The following LAMC1 variants were observed in gnomAD, a reference collection of about 807,000 sequenced individuals.
LAMC1 encodes laminin subunit gamma-1.
LAMC1 carries 38 observed loss-of-function variants against 173.6 expected under a neutral mutation model. That is an observed-to-expected ratio of 0.22 (90% CI 0.17 to 0.29). LAMC1 has a LOEUF of 0.29. Among genes scored for constraint, LAMC1 ranks in the 10% least tolerant of loss-of-function variants. The pLI is 1.00. For missense variants in LAMC1, 1,824 were observed against 2,051.8 expected, an observed-to-expected ratio of 0.89 and a Z score of 2.14; for synonymous variants, 746 against 749.1, an observed-to-expected ratio of 1.00 and a Z score of 0.07.
At position 183,140,230 on chromosome 1, in the gene LAMC1, AT is replaced by A. The variant is rs35690018; in HGVS notation, c.4474-173del. Reference sequence around the variant, plus strand: ...ATACCAACATCCTCAATATGAAGATATGCAGCAGCCCCACCAAAAAAAAAAA... The same window carrying A: ...ATACCAACATCCTCAATATGAAGATAGCAGCAGCCCCACCAAAAAAAAAAA... On this transcript the variant is annotated intron_variant, in intron 26 of 27. Coordinates refer to ENST00000258341, the MANE Select transcript of LAMC1 (RefSeq NM_002293.4). Among the ~76,000 whole-genome samples the A allele has an allele frequency of 0.49, 58,733 of 120,426 alleles. 15,036 individuals carry two copies. The highest frequency in any genetic ancestry group is 0.59 in the South Asian group (1,958 of 3,302). 79.0% of individuals were successfully genotyped at this position (120,426 alleles called of 152,430 possible). A position where few individuals can be genotyped will look rare whatever the true frequency, so the allele number is the denominator to read the frequency against.
At chr1:183,128,501 G>A in intron 17 of LAMC1, 93 bp from the exon 18 acceptor site, 8 of 940,688 alleles carry the variant, frequency 8.5e-6, no homozygotes, top group Non-Finnish European at 1.1e-5. Flanking sequence ...ACATATTCAT[G>A]GAGTGCCCAT....
rs190777942 is a variant in LAMC1, at chr1:183,126,973, C to G, written c.2945-253C>G. Among the ~76,000 whole-genome samples the G allele has an allele frequency of 3.0e-3, 457 of 152,308 alleles. 9 individuals carry two copies. Among genetic ancestry groups the G allele is most frequent in the Non-Finnish European group, 6.2e-4 (42 of 68,030 alleles). On this transcript the variant is annotated intron_variant, in intron 16 of 27. Transcript: ENST00000258341. ...GAGCACTGATAGTTTCATAACTTCT[C>G]TAATTGCTAAGTAACCTGAAGTGTG...
intron 1 of LAMC1, among the ~76,000 whole-genome samples, chr1:183,065,929 T>C (rs1654862868): frequency 6.6e-6 from 1 of 152,210 alleles, no homozygotes; most frequent in South Asian, 2.1e-4. Context: ...TCAATTTCCA[T>C]GTTAATAAAA....
chr1:183,134,570 A>C lies in LAMC1; in HGVS notation c.3850-90A>C, dbSNP rs983741641. ...TGCAGTTCTTTTAAAAATATCATTG[A>C]GTATTAGGTGTTACAGAGTTCCTAA... On this transcript the variant is annotated intron_variant, in intron 22 of 27. Transcript: ENST00000258341. 6 of 954,692 alleles carry C rather than the reference A, an allele frequency of 6.3e-6. No homozygotes were observed. In the East Asian group the frequency reaches 1.4e-4, roughly 23 times the overall value. The allele number at this position is 954,692 out of a possible 1,614,324, so 59.1% of individuals were successfully genotyped here.
intron 1 of LAMC1, among the ~76,000 whole-genome samples, chr1:183,049,349 TGTG>T (rs1371108323): frequency 6.6e-6 from 1 of 152,234 alleles, no homozygotes; most frequent in Non-Finnish European, 1.5e-5. Flanking sequence ...ATTGTATAAT[TGTG>T]GTAAAAGAAA....
chr1:183,124,484 A>T, intron 13 of LAMC1, 147 bp from the exon 14 acceptor site: 1 of 922,690 alleles, frequency 1.1e-6, no homozygotes, highest in Non-Finnish European at 1.7e-6. Context: ...GCCCCGTGCC[A>T]GGGCTGCAGC....
rs1244468613 is a variant in LAMC1 at position 183,023,901 on chromosome 1, C to A, written c.185C>A (p.Thr62Asn). Residue 62 changes from threonine to asparagine, a missense_variant, in exon 1 of 28, where the codon ACT (threonine) becomes AAT (asparagine). Physicochemically the swap from Thr to Asn is moderately conservative, Grantham distance 65. Transcript: ENST00000258341. ...PEFVNAAFNV[T>N]VVATNTCGTP... Reference sequence around the variant, plus strand: ...TTCGTCAACGCCGCCTTCAACGTGACTGTGGTGGCCACCAACACGTGTGGG... The same window carrying A: ...TTCGTCAACGCCGCCTTCAACGTGAATGTGGTGGCCACCAACACGTGTGGG... 1.2e-6 allele frequency: 2 copies of A among 1,613,136 alleles called. No homozygotes were observed. Among genetic ancestry groups the A allele is most frequent in the South Asian group, 2.2e-5 (2 of 91,060 alleles).
At chr1:183,091,614 T>G (rs1655569063) in intron 1 of LAMC1, among the ~76,000 whole-genome samples, 1 of 152,168 alleles carries the variant, frequency 6.6e-6, no homozygotes, top group Non-Finnish European at 1.5e-5. Context: ...GAAAAATAAA[T>G]ATTTCTATGC....
intron 1 of LAMC1, among the ~76,000 whole-genome samples, chr1:183,049,651 A>G (rs1200257616): frequency 1.3e-5 from 2 of 151,752 alleles, no homozygotes; most frequent in African/African-American, 4.8e-5. Context: ...TTTAGTAGAG[A>G]CGGGGTTTCA....
intron 18 of LAMC1, among the ~76,000 whole-genome samples, chr1:183,129,527 A>G (rs1656724915): frequency 6.6e-6 from 1 of 151,544 alleles, no homozygotes; most frequent in African/African-American, 2.4e-5. Context: ...CCAAACCTGT[A>G]TTCATCTTCA....
In LAMC1 at chr1:183,130,522, G is replaced by A. The variant is rs200305826; in HGVS notation, c.3459G>A (p.Glu1153=). Reference sequence around the variant, plus strand: ...TTGAAATCGCATCCAGAGAACTTGAGAAAGCAAAAGTCGCTGCTGCCAATG... The same window carrying A: ...TTGAAATCGCATCCAGAGAACTTGAAAAAGCAAAAGTCGCTGCTGCCAATG... ...RLIEIASREL[E]KAKVAAANVS... The change falls in exon 19 of 28, where the codon GAG becomes GAA. Residue 1153 remains glutamate, a synonymous_variant. Transcript: ENST00000258341. 1.4e-4 allele frequency: 223 copies of A among 1,614,208 alleles called. 2 individuals are homozygous for A. The highest frequency in any genetic ancestry group is 9.9e-4 in the Middle Eastern group (6 of 6,062).
intron 1 of LAMC1, among the ~76,000 whole-genome samples, chr1:183,029,270 G>A (rs1184268383): frequency 2.0e-5 from 3 of 152,044 alleles, no homozygotes; most frequent in South Asian, 2.1e-4. Context: ...CTTTCTCTCC[G>A]TCCTCTTTGT....
Position 183,108,278 on chromosome 1 carries a change from A to G in LAMC1, c.726A>G (p.Glu242=), listed in dbSNP as rs1656046087. Reference sequence around the variant, plus strand: ...TTTCTATTTTTGCTTCCTGACAGGAATGGGTAACTGCCACTGACATCAGAG... The same window carrying G: ...TTTCTATTTTTGCTTCCTGACAGGAGTGGGTAACTGCCACTGACATCAGAG... The part of the protein sequence containing the change: ...YNFDNSPVLQ[E]WVTATDIRVT... The change falls in exon 3 of 28, where the codon GAA becomes GAG. Residue 242 remains glutamate, a splice_region_variant and synonymous_variant. Coordinates refer to ENST00000258341, the MANE Select transcript of LAMC1 (RefSeq NM_002293.4). 1 of 1,612,778 alleles carries G rather than the reference A, an allele frequency of 6.2e-7. No individual in the cohort carries two copies. Among genetic ancestry groups the G allele is most frequent in the African/African-American group, 1.3e-5 (1 of 74,876 alleles).
chr1:183,102,003 C>G (rs1339912684), intron 1 of LAMC1, among the ~76,000 whole-genome samples: 1 of 152,158 alleles, frequency 6.6e-6, no homozygotes. Flanking sequence ...TTGACCTCAC[C>G]CACTTACTCC....
Position 183,117,645 on chromosome 1 carries a change from C to A in LAMC1, c.1799C>A (p.Ala600Asp). ...GCAGAAGACCTTGTGCTTGAGGGAG[C>A]TGGCTTAAGAGTATCTGTACCCTTG... ...LSAEDLVLEG[A>D]GLRVSVPLIA... The change falls in exon 10 of 28, where the codon GCT becomes GAT. Residue 600 changes from alanine to aspartate, a missense_variant. Transcript: ENST00000258341. 1 of 1,614,218 alleles carries A rather than the reference C, an allele frequency of 6.2e-7. No individual in the cohort carries two copies. Among genetic ancestry groups the A allele is most frequent in the Non-Finnish European group, 8.5e-7 (1 of 1,180,036 alleles).
At chr1:183,082,189 A>T (rs1655295687) in intron 1 of LAMC1, among the ~76,000 whole-genome samples, 1 of 152,254 alleles carries the variant, frequency 6.6e-6, no homozygotes, top group African/African-American at 2.4e-5. Flanking sequence ...TAAAATTTCT[A>T]TAAACACATC....
intron 2 of LAMC1, among the ~76,000 whole-genome samples, chr1:183,105,006 C>G (rs945999702): frequency 6.8e-6 from 1 of 146,854 alleles, no homozygotes; most frequent in African/African-American, 2.5e-5. Flanking sequence ...GTCAGGCATT[C>G]AAAACCCACC....
intron 1 of LAMC1, among the ~76,000 whole-genome samples, chr1:183,079,954 T>G (rs1474757289): frequency 6.6e-6 from 1 of 151,994 alleles, no homozygotes; most frequent in African/African-American, 2.4e-5. Context: ...CAAAAACGTG[T>G]TTTTTTTGGA....
chr1:183,052,534 A>G (rs879943064), intron 1 of LAMC1, among the ~76,000 whole-genome samples: 1 of 152,028 alleles, frequency 6.6e-6, no homozygotes, highest in African/African-American at 2.4e-5. Context: ...GAGTTTCACC[A>G]TGTTGGCCAG....
Sources: gnomAD v4.1 joint callset for allele counts (sites outside exome capture counted in the v4.1 genomes callset) on GRCh38, gnomAD v4.1.1 for gene constraint, MANE v1.5 for transcripts, NCBI Gene and HGNC (gene_info 2026-07-23, HGNC 2026-07-21) for gene names.